Variants in SCARB1 observed in about 807,000 individuals in gnomAD.
The protein encoded by SCARB1 is scavenger receptor class B member 1, also known as CD36 and LIMPII analogous 1.
A neutral mutation model predicts 57.2 loss-of-function variants in SCARB1; 30 were observed. The ratio of observed to expected loss-of-function variants is 0.52; its 90% CI spans 0.39 to 0.71. The LOEUF (loss-of-function observed/expected upper bound fraction) is 0.71, where lower values mean the gene tolerates loss of function less well. Ranked by LOEUF, SCARB1 falls within the 30% of genes least tolerant of loss-of-function variation. The pLI, the probability that SCARB1 is intolerant of heterozygous loss-of-function variation, is 0.00. For synonymous variants in SCARB1, 249 were observed against 268.3 expected, an observed-to-expected ratio of 0.93 and a Z score of 0.70; for missense variants, 543 against 671.2, an observed-to-expected ratio of 0.81 and a Z score of 2.11.
chr12:124,797,667 G>T (rs567936016), intron 8 of SCARB1, among the ~76,000 whole-genome samples: 1 of 152,178 alleles, frequency 6.6e-6, no homozygotes, highest in Non-Finnish European at 1.5e-5. Flanking sequence ...CACTGAGAGC[G>T]CACAGGAGAC....
At chr12:124,842,405 G>A (rs1210438736) in intron 1 of SCARB1, among the ~76,000 whole-genome samples, 2 of 152,234 alleles carry the variant, frequency 1.3e-5, no homozygotes, top group African/African-American at 2.4e-5. Context: ...AGCTAAAGGG[G>A]TTCGAGGAAG....
chr12:124,818,991 GTGC>G (rs1476876716), intron 1 of SCARB1, among the ~76,000 whole-genome samples: 1 of 152,018 alleles, frequency 6.6e-6, no homozygotes, highest in Non-Finnish European at 1.5e-5. Flanking sequence ...GCTGGGCATG[GTGC>G]TGCACACCTG....
intron 8 of SCARB1, among the ~76,000 whole-genome samples, chr12:124,797,911 A>C (rs1950000024): frequency 6.6e-6 from 1 of 152,238 alleles, no homozygotes; most frequent in Non-Finnish European, 1.5e-5. Flanking sequence ...GCTTCCTCAG[A>C]CAACGAAAAC....
Position 124,810,858 on chromosome 12 carries a change from G to T in SCARB1, c.727-569C>A, listed in dbSNP as rs1405177686. Among the ~76,000 whole-genome samples, 1 of 152,244 alleles carries T rather than the reference G, an allele frequency of 6.6e-6. No homozygotes were observed. Among genetic ancestry groups the T allele is most frequent in the East Asian group, 1.9e-4 (1 of 5,200 alleles). ...TATATTGGAATATACAAGCCACAAT[G>T]AATGTGAACTCCATCTATCGTGAAT... On this transcript the variant is annotated intron_variant, in intron 5 of 12. Transcript: ENST00000261693. The surrounding 1 kb of genome is among the most constrained non-coding windows in gnomAD (Gnocchi z 4.0).
chr12:124,810,427 C>T lies in SCARB1; in HGVS notation c.727-138G>A. ...CAATACTGGCACGGTGGGAAGAGGG[C>T]AGGCTATGTAGACACACAGAGAGAA... On this transcript the variant is annotated intron_variant, in intron 5 of 12. Transcript: ENST00000261693. This position sits in a 1 kb window ranked among gnomAD's most constrained non-coding sequence, Gnocchi z 4.0. 1 of 686,666 alleles carries T rather than the reference C, an allele frequency of 1.5e-6. No individual in the cohort carries two copies. Among genetic ancestry groups the T allele is most frequent in the South Asian group, 1.6e-5 (1 of 63,574 alleles). The allele number at this position is 686,666 out of a possible 1,614,324, so 42.5% of individuals were successfully genotyped here.
chr12:124,782,023 A>T (rs1255791160), intron 12 of SCARB1, among the ~76,000 whole-genome samples: 2 of 152,156 alleles, frequency 1.3e-5, no homozygotes, highest in Non-Finnish European at 2.9e-5. Flanking sequence ...CTCCTGCCTC[A>T]GCCTCCTGAG....
intron 1 of SCARB1, among the ~76,000 whole-genome samples, chr12:124,854,133 G>C (rs767970147): frequency 6.6e-6 from 1 of 152,226 alleles, no homozygotes; most frequent in Non-Finnish European, 1.5e-5. Context: ...GGTCTAAGCA[G>C]AGCGGGTAAG....
chr12:124,825,585 C>T lies in SCARB1; in HGVS notation c.127-7878G>A, dbSNP rs1202475248. ...ACTCGGGAGGCTGAGGTGGGAGAAT[C>T]GCTTGAGCCCAGGAGGCGGAGGTTG... On this transcript the variant is annotated intron_variant, in intron 1 of 12. Coordinates refer to ENST00000261693, the MANE Select transcript of SCARB1 (RefSeq NM_005505.5). Among the ~76,000 whole-genome samples, 12 of 152,200 alleles carry T rather than the reference C, an allele frequency of 7.9e-5. 1 individual carries two copies. Among genetic ancestry groups the T allele is most frequent in the Admixed American group, 6.5e-4 (10 of 15,284 alleles).
At position 124,806,222 on chromosome 12, in the gene SCARB1, AAG is replaced by A. The variant is rs1168512799; in HGVS notation, c.1009+1537_1009+1538del. Among the ~76,000 whole-genome samples, 6 of 152,110 alleles carry A rather than the reference AAG, an allele frequency of 3.9e-5. No homozygotes were observed. In the East Asian group the frequency reaches 7.7e-4, roughly 20 times the overall value. On this transcript the variant is annotated intron_variant, in intron 7 of 12. Coordinates refer to ENST00000261693, the MANE Select transcript of SCARB1 (RefSeq NM_005505.5). The stretch of plus-strand genomic sequence containing the variant: ...TGAGGCGGGGGTTGGGGTGGGGAGC[AAG>A]AGAGAGGAAGGAGTGAGGACTCAAC...
intron 1 of SCARB1, among the ~76,000 whole-genome samples, chr12:124,836,044 CTCAG>C (rs1951634787): frequency 6.6e-6 from 1 of 152,212 alleles, no homozygotes. Flanking sequence ...CATTCATTCA[CTCAG>C]TCATTCATTC....
rs1290208500 is a variant in SCARB1, at chr12:124,817,859, A to G, written c.127-152T>C. 2 of 809,944 alleles carry G rather than the reference A, an allele frequency of 2.5e-6. No individual in the cohort carries two copies. Among genetic ancestry groups the G allele is most frequent in the Admixed American group, 1.8e-5 (1 of 54,608 alleles). 50.2% of individuals were successfully genotyped at this position (809,944 alleles called of 1,614,324 possible). A position where few individuals can be genotyped will look rare whatever the true frequency, so the allele number is the denominator to read the frequency against. On this transcript the variant is annotated intron_variant, in intron 1 of 12. Coordinates refer to ENST00000261693, the MANE Select transcript of SCARB1 (RefSeq NM_005505.5). This position sits in a 1 kb window ranked among gnomAD's most constrained non-coding sequence, Gnocchi z 4.8. ...GAGGTGGTGGGAAAGCCCTTCGCACATGAGGCTGTCGCACCTGGAGCTTAT... is the reference window on the plus strand; with the variant it reads ...GAGGTGGTGGGAAAGCCCTTCGCACGTGAGGCTGTCGCACCTGGAGCTTAT...
intron 6 of SCARB1, among the ~76,000 whole-genome samples, chr12:124,809,186 C>T (rs970598469): frequency 4.7e-5 from 7 of 149,436 alleles, no homozygotes; most frequent in African/African-American, 1.2e-4. Context: ...AGACACTCGG[C>T]GAGAAGAGGG....
chr12:124,862,846 C>G (rs1024242719), intron 1 of SCARB1, among the ~76,000 whole-genome samples: 5 of 152,240 alleles, frequency 3.3e-5, no homozygotes, highest in Admixed American at 3.3e-4. Context: ...CCTAATCTGT[C>G]TCCCTGGTTG....
In SCARB1 at chr12:124,800,313, T is replaced by A; in HGVS notation, c.1010-71A>T. On this transcript the variant is annotated intron_variant, in intron 7 of 12. Coordinates refer to ENST00000261693, the MANE Select transcript of SCARB1 (RefSeq NM_005505.5). The surrounding 1 kb of genome is among the most constrained non-coding windows in gnomAD (Gnocchi z 4.8). ...GGCAGGTCCTGCCAGGCCGGAGGTCTGCACAGAGCTGTGGTCTGCAGGGCA... is the reference window on the plus strand; with the variant it reads ...GGCAGGTCCTGCCAGGCCGGAGGTCAGCACAGAGCTGTGGTCTGCAGGGCA... 1 of 1,168,276 alleles carries A rather than the reference T, an allele frequency of 8.6e-7. No homozygotes were observed. The highest frequency in any genetic ancestry group is 2.4e-5 in the East Asian group (1 of 42,290). The allele number at this position is 1,168,276 out of a possible 1,614,324, so 72.4% of individuals were successfully genotyped here.
chr12:124,842,189 G>A (rs1323144781), intron 1 of SCARB1, among the ~76,000 whole-genome samples: 3 of 152,198 alleles, frequency 2.0e-5, no homozygotes, highest in Non-Finnish European at 2.9e-5. Context: ...AGCGCCCCAC[G>A]CCCCGTGTCA....
chr12:124,834,597 C>T (rs773461504), intron 1 of SCARB1, among the ~76,000 whole-genome samples: 16 of 152,268 alleles, frequency 1.1e-4, no homozygotes, highest in African/African-American at 2.6e-4. Flanking sequence ...GGTACCTGTT[C>T]GGGCAGTGGT....
chr12:124,793,722 G>A (rs1949822505), intron 9 of SCARB1, among the ~76,000 whole-genome samples: 1 of 151,002 alleles, frequency 6.6e-6, no homozygotes, highest in Non-Finnish European at 1.5e-5. Flanking sequence ...AAAGAATGGG[G>A]ATGGGGGGCA....
intron 1 of SCARB1, among the ~76,000 whole-genome samples, chr12:124,857,190 C>T (rs1171013866): frequency 1.3e-5 from 2 of 152,122 alleles, no homozygotes; most frequent in African/African-American, 2.4e-5. Context: ...CTGATTCAAC[C>T]GCTTGGAGCT....
At position 124,776,921 on chromosome 12, in the gene SCARB1, C is replaced by T. The variant is rs1451309243; in HGVS notation, c.*1666G>A. On this transcript the variant is annotated 3_prime_UTR_variant, in exon 13 of 13. Transcript: ENST00000261693. ...GAGTGATTAATAAAAGGCTTAAAAGCATCAAATATAAATATCATTTAGATA... is the reference window on the plus strand; with the variant it reads ...GAGTGATTAATAAAAGGCTTAAAAGTATCAAATATAAATATCATTTAGATA... The T allele has an allele frequency of 6.6e-6, 1 of 151,900 alleles. No individual in the cohort carries two copies. The highest frequency in any genetic ancestry group is 2.4e-5 in the African/African-American group (1 of 41,348). 9.4% of individuals were successfully genotyped at this position (151,900 alleles called of 1,614,324 possible). A position where few individuals can be genotyped will look rare whatever the true frequency, so the allele number is the denominator to read the frequency against.
Sources: allele counts gnomAD v4.1 joint callset (sites outside exome capture counted in the v4.1 genomes callset), GRCh38; gene constraint gnomAD v4.1.1; non-coding constraint Gnocchi (gnomAD v3.1); transcripts MANE v1.5; gene names NCBI Gene and HGNC (gene_info 2026-07-23, HGNC 2026-07-21).